Variants in COL9A1 observed in about 807,000 individuals in gnomAD.
COL9A1 encodes the protein collagen type IX alpha 1 chain, also known as collagen alpha-1(IX) chain.
Under a neutral mutation model 142.6 loss-of-function variants are expected in COL9A1, and 104 were observed. That is an observed-to-expected ratio of 0.73 (90% CI 0.62 to 0.86). The LOEUF is 0.86. Among genes scored for constraint, COL9A1 ranks in the 40% least tolerant of loss-of-function variants. The pLI, the probability that COL9A1 is intolerant of heterozygous loss-of-function variation, is 0.00. For synonymous variants in COL9A1, 466 were observed against 396.0 expected, an observed-to-expected ratio of 1.18 and a Z score of -2.10; for missense variants, 1,210 against 1,176.6, an observed-to-expected ratio of 1.03 and a Z score of -0.42.
Position 70,300,378 on chromosome 6 carries a change from C to G in COL9A1, c.97G>C (p.Val33Leu). 1 of 1,611,370 alleles carries G rather than the reference C, an allele frequency of 6.2e-7. No homozygotes were observed. The highest frequency in any genetic ancestry group is 2.2e-5 in the East Asian group (1 of 44,818). ...TTTCCACCATTAGAATTGGAATTGA[C>G]AGGGAATCCTGCAAAAGAGATAGCA... ...AAVKRRPRFP[V>L]NSNSNGGNEL... The change falls in exon 3 of 38, where the codon GTC (valine) becomes CTC (leucine). Residue 33 changes from valine to leucine, a missense_variant. Transcript: ENST00000357250.
chr6:70,242,779 T>C (rs1770348983), intron 28 of COL9A1, 64 bp from the exon 29 acceptor site: 4 of 1,479,088 alleles, frequency 2.7e-6, no homozygotes, highest in Non-Finnish European at 3.8e-6. Flanking sequence ...AGTTACTATG[T>C]AAATAAAATA....
In COL9A1 at chr6:70,294,441, T is replaced by C. The variant is rs1773775270; in HGVS notation, c.422A>G (p.Gln141Arg). 1 of 1,613,992 alleles carries C rather than the reference T, an allele frequency of 6.2e-7. No homozygotes were observed. The highest frequency in any genetic ancestry group is 1.1e-5 in the South Asian group (1 of 91,086). The change falls in exon 5 of 38, where the codon CAA (glutamine) becomes CGA (arginine). Residue 141 changes from glutamine to arginine, a missense_variant. By Grantham distance (43) the Gln-to-Arg change is conservative. Transcript: ENST00000357250. The part of the protein sequence containing the change: ...WQIQDSSGKE[Q>R]VGIKINGQTQ... The stretch of plus-strand genomic sequence containing the variant: ...TTGGCCATTAATCTTTATGCCAACT[T>C]GCTCCTTCCCAGAGGAATCCTGAAT...
chr6:70,253,351 G>A (rs1771070822), intron 26 of COL9A1, 34 bp downstream of exon 26: 45 of 1,396,888 alleles, frequency 3.2e-5, no homozygotes, highest in Non-Finnish European at 4.5e-5. Flanking sequence ...AAGAAATTAA[G>A]AAAGATATTA....
chr6:70,283,201 AGGCGCG>A (rs1396505485), intron 6 of COL9A1: 1 of 1,469,632 alleles, frequency 6.8e-7, no homozygotes, highest in East Asian at 2.5e-5. Flanking sequence ...CAGGCCCGGG[AGGCGCG>A]CGTTCCCCCT....
At chr6:70,230,671 GC>G (rs753629725) in intron 36 of COL9A1, among the ~76,000 whole-genome samples, 2 of 152,168 alleles carry the variant, frequency 1.3e-5, no homozygotes, top group Non-Finnish European at 2.9e-5. Context: ...TGTTGCTAAA[GC>G]TTCCCCAAAC....
intron 13 of COL9A1, 153 bp from the exon 14 acceptor site, chr6:70,271,861 T>C (rs1027866327): frequency 2.1e-6 from 2 of 966,656 alleles, no homozygotes; most frequent in African/African-American, 3.3e-5. Context: ...CTTTAATTAC[T>C]TAAGATACAG....
chr6:70,283,874 T>C, intron 5 of COL9A1, 54 bp from the exon 6 acceptor site: 2 of 1,300,424 alleles, frequency 1.5e-6, no homozygotes, highest in Non-Finnish European at 2.2e-6. Flanking sequence ...CTGAAGCTGG[T>C]CATTCAAGAG....
At chr6:70,267,044 T>C (rs1772060711) in intron 17 of COL9A1, among the ~76,000 whole-genome samples, 1 of 152,232 alleles carries the variant, frequency 6.6e-6, no homozygotes, top group Non-Finnish European at 1.5e-5. Flanking sequence ...GCCTGCTATT[T>C]CCTAGATCCC....
chr6:70,239,947 T>C (rs868423663), intron 32 of COL9A1, among the ~76,000 whole-genome samples: 1 of 152,204 alleles, frequency 6.6e-6, no homozygotes, highest in Non-Finnish European at 1.5e-5. Flanking sequence ...AGATGTTATA[T>C]TTATATTAGC....
chr6:70,224,163 G>A (rs1017943787), intron 37 of COL9A1, among the ~76,000 whole-genome samples: 46 of 152,272 alleles, frequency 3.0e-4, no homozygotes, highest in African/African-American at 7.0e-4. Flanking sequence ...GTTTGTAAGC[G>A]ATCCTAGGGA....
intron 10 of COL9A1, chr6:70,279,928 A>G (rs1220565371): frequency 6.7e-6 from 4 of 592,684 alleles, no homozygotes; most frequent in Non-Finnish European, 1.3e-5. Context: ...TTGAAGAGTA[A>G]CTTGAGTGAT....
At chr6:70,267,949 T>C (rs1772136183) in intron 17 of COL9A1, among the ~76,000 whole-genome samples, 1 of 152,142 alleles carries the variant, frequency 6.6e-6, no homozygotes, top group African/African-American at 2.4e-5. Flanking sequence ...AGAGCTCCAT[T>C]GGTCTGGAAT....
chr6:70,237,780 G>A (rs967458927), intron 33 of COL9A1, among the ~76,000 whole-genome samples: 1 of 152,322 alleles, frequency 6.6e-6, no homozygotes, highest in East Asian at 1.9e-4. Context: ...TTGAGACATA[G>A]TGTTTAGAGG....
At chr6:70,262,194 C>A (rs1390926699) in intron 19 of COL9A1, among the ~76,000 whole-genome samples, 1 of 151,914 alleles carries the variant, frequency 6.6e-6, no homozygotes, top group African/African-American at 2.4e-5. Flanking sequence ...TCTCTTACAC[C>A]ATGTATCCTT....
intron 29 of COL9A1, 24 bp downstream of exon 29, chr6:70,242,638 A>G: frequency 6.2e-7 from 1 of 1,610,398 alleles, no homozygotes; most frequent in Non-Finnish European, 8.5e-7. Context: ...GTAGAAGGCA[A>G]ATAAACGAAA....
Position 70,216,668 on chromosome 6 carries a change from A to G in COL9A1, c.*229T>C, listed in dbSNP as rs2459555. 0.065 allele frequency: 32,684 copies of G among 506,042 alleles called. 1,695 individuals carry two copies. The highest frequency in any genetic ancestry group is 0.2 in the African/African-American group (10,091 of 50,336). 31.3% of individuals were successfully genotyped at this position (506,042 alleles called of 1,614,324 possible). On this transcript the variant is annotated 3_prime_UTR_variant, in exon 38 of 38. Transcript: ENST00000357250. ...TGTTTGGTTTTCTTTTTTTTTTTTT[A>G]ACTGATGACTCTGCTGTCTTCCCTC...
intron 19 of COL9A1, chr6:70,260,969 A>T: frequency 2.5e-6 from 1 of 403,706 alleles, no homozygotes; most frequent in South Asian, 3.5e-5. Context: ...AAAAAAAGTA[A>T]ATACCAGCAT....
At chr6:70,220,816 A>G (rs896752000) in intron 37 of COL9A1, among the ~76,000 whole-genome samples, 5 of 152,210 alleles carry the variant, frequency 3.3e-5, no homozygotes, top group African/African-American at 1.2e-4. Flanking sequence ...AAGAGAAAAC[A>G]TGCATCTAAA....
intron 28 of COL9A1, among the ~76,000 whole-genome samples, chr6:70,247,149 G>A (rs1385553208): frequency 6.6e-6 from 1 of 152,124 alleles, no homozygotes; most frequent in East Asian, 1.9e-4. Context: ...CACAAGTTGT[G>A]CTTGGAAAAA....
Sources: gnomAD v4.1 joint callset for allele counts (sites outside exome capture counted in the v4.1 genomes callset) on GRCh38, gnomAD v4.1.1 for gene constraint, MANE v1.5 for transcripts, NCBI Gene and HGNC (gene_info 2026-07-23, HGNC 2026-07-21) for gene names.